The following IL1RAPL2 variants were observed in gnomAD, a reference collection of about 807,000 sequenced individuals.
The protein encoded by IL1RAPL2 is X-linked interleukin-1 receptor accessory protein-like 2.
A neutral mutation model predicts 44.1 loss-of-function variants in IL1RAPL2; 3 were observed. That is an observed-to-expected ratio of 0.07 (90% CI 0.03 to 0.18). The LOEUF (loss-of-function observed/expected upper bound fraction) is 0.18. Among genes scored for constraint, IL1RAPL2 ranks in the 10% least tolerant of loss-of-function variants. The pLI, the probability that IL1RAPL2 is intolerant of heterozygous loss-of-function variation, is 1.00. For missense variants in IL1RAPL2, 391 were observed against 496.4 expected (o/e 0.79, Z 2.02); for synonymous variants, 181 against 178.8 (o/e 1.01, Z -0.10).
chrX:104,622,337 A>G (rs1929416275), intron 1 of IL1RAPL2, among the ~76,000 whole-genome samples: 1 of 97,174 alleles, frequency 1.0e-5, no homozygotes, highest in Admixed American at 1.0e-4. Flanking sequence ...TAAGGTGTGA[A>G]CAAGGAAGAA....
Position 105,423,388 on chromosome X carries a change from T to C in IL1RAPL2, c.698-60925T>C, listed in dbSNP as rs938565818. 3.6e-5 allele frequency among the ~76,000 whole-genome samples: 4 copies of C among 112,056 alleles called. No individual in the cohort carries two copies. In the Admixed American group the frequency reaches 3.8e-4, roughly 11 times the overall value. On this transcript the variant is annotated intron_variant, in intron 5 of 10. Coordinates refer to ENST00000372582, the MANE Select transcript of IL1RAPL2 (RefSeq NM_017416.2). ...TAAGTCATTCATTTGGCCAAAGTGATAACTCAAGGATTTCAAACAAAAAGT... is the reference window on the plus strand; with the variant it reads ...TAAGTCATTCATTTGGCCAAAGTGACAACTCAAGGATTTCAAACAAAAAGT...
intron 6 of IL1RAPL2, among the ~76,000 whole-genome samples, chrX:105,690,251 T>A (rs2038024447): frequency 9.0e-6 from 1 of 111,454 alleles, no homozygotes; most frequent in Non-Finnish European, 1.9e-5. Flanking sequence ...TAAAAAAATT[T>A]AAAAAATGTT....
intron 2 of IL1RAPL2, among the ~76,000 whole-genome samples, chrX:104,694,177 C>G (rs1931140386): frequency 8.9e-6 from 1 of 111,886 alleles, no homozygotes. Flanking sequence ...TTCTTGCAAG[C>G]CTTTTCATTG....
intron 2 of IL1RAPL2, among the ~76,000 whole-genome samples, chrX:105,036,812 G>C (rs2031637846): frequency 8.9e-6 from 1 of 111,769 alleles, no homozygotes; most frequent in Non-Finnish European, 1.9e-5. Flanking sequence ...CAGTGCTTTT[G>C]GAGATATTGC....
chrX:105,526,481 G>A (rs1182460469), intron 6 of IL1RAPL2, among the ~76,000 whole-genome samples: 1 of 111,633 alleles, frequency 9.0e-6, no homozygotes, highest in Non-Finnish European at 1.9e-5. Context: ...TTCCTTGATT[G>A]TGTTCTCCCA....
chrX:105,664,504 A>T (rs2037743306), intron 6 of IL1RAPL2, among the ~76,000 whole-genome samples: 1 of 111,889 alleles, frequency 8.9e-6, no homozygotes, highest in Non-Finnish European at 1.9e-5. Flanking sequence ...AATCAATGAG[A>T]ACCCTTTTCC....
intron 2 of IL1RAPL2, among the ~76,000 whole-genome samples, chrX:105,089,163 C>T (rs188203083): frequency 9.0e-6 from 1 of 110,696 alleles, no homozygotes; most frequent in East Asian, 2.9e-4. Flanking sequence ...CTAGTGTTTT[C>T]TTCCTTAACT....
chrX:104,837,378 T>C, intron 2 of IL1RAPL2, among the ~76,000 whole-genome samples: 1 of 111,616 alleles, frequency 9.0e-6, no homozygotes, highest in South Asian at 3.8e-4. Context: ...TTCCACAGCC[T>C]CACCAGCATC....
At chrX:104,846,216 C>T (rs767057055) in intron 2 of IL1RAPL2, among the ~76,000 whole-genome samples, 1 of 110,148 alleles carries the variant, frequency 9.1e-6, no homozygotes, top group Non-Finnish European at 1.9e-5. Flanking sequence ...TTTAATTATC[C>T]TTTAAGTTCT....
chrX:104,955,503 C>T (rs756235682), intron 2 of IL1RAPL2, among the ~76,000 whole-genome samples: 2 of 104,992 alleles, frequency 1.9e-5, no homozygotes, highest in Admixed American at 2.1e-4. Flanking sequence ...TATTATACTC[C>T]CATATATATG....
chrX:105,609,126 G>T lies in IL1RAPL2; in HGVS notation c.773-108241G>T, dbSNP rs1455327360. ...TTCTTTATGCTCAAAATATTTTAAA[G>T]ATTTTAGAAAGAAAAAAAAATATGG... On this transcript the variant is annotated intron_variant, in intron 6 of 10. Transcript: ENST00000372582. Among the ~76,000 whole-genome samples, 6 of 111,366 alleles carry T rather than the reference G, an allele frequency of 5.4e-5. No individual in the cohort carries two copies. The Admixed American group carries it at 5.7e-4, about 11-fold the overall frequency.
intron 6 of IL1RAPL2, among the ~76,000 whole-genome samples, chrX:105,484,770 G>C (rs200412015): frequency 2.7e-5 from 3 of 110,240 alleles, no homozygotes; most frequent in Non-Finnish European, 5.7e-5. Context: ...TAAAATACAG[G>C]CTTCGGTTTC....
At chrX:105,591,555 T>C (rs1220140163) in intron 6 of IL1RAPL2, among the ~76,000 whole-genome samples, 2 of 111,505 alleles carry the variant, frequency 1.8e-5, no homozygotes, top group Admixed American at 9.6e-5. Flanking sequence ...GGGTGTTTAG[T>C]GCTATAAACT....
At chrX:105,664,560 A>G (rs1370630578) in intron 6 of IL1RAPL2, among the ~76,000 whole-genome samples, 1 of 111,736 alleles carries the variant, frequency 8.9e-6, no homozygotes, top group East Asian at 2.8e-4. Context: ...CCTTGTCAGT[A>G]AGAGACTGCC....
At chrX:104,733,648 GTAA>G (rs1165710519) in intron 2 of IL1RAPL2, among the ~76,000 whole-genome samples, 14 of 63,350 alleles carry the variant, frequency 2.2e-4, no homozygotes, top group African/African-American at 5.3e-4. Context: ...AATAATAATA[GTAA>G]TAATAATAAT....
chrX:104,655,773 T>C (rs1356398695), intron 1 of IL1RAPL2, among the ~76,000 whole-genome samples: 1 of 111,716 alleles, frequency 9.0e-6, no homozygotes, highest in Non-Finnish European at 1.9e-5. Flanking sequence ...GTACCTCTGG[T>C]AGAATTTGGC....
intron 1 of IL1RAPL2, among the ~76,000 whole-genome samples, chrX:104,592,493 T>C (rs1453560981): frequency 9.0e-6 from 1 of 110,856 alleles, no homozygotes; most frequent in Non-Finnish European, 1.9e-5. Flanking sequence ...ATAGTGATAA[T>C]ACAACATATG....
chrX:105,047,663 G>A (rs1371160462), intron 2 of IL1RAPL2, among the ~76,000 whole-genome samples: 1 of 111,453 alleles, frequency 9.0e-6, no homozygotes, highest in East Asian at 2.8e-4. Flanking sequence ...ATTAAAAAGT[G>A]CCTGCTCTAG....
intron 4 of IL1RAPL2, among the ~76,000 whole-genome samples, chrX:105,248,832 T>G (rs1354225549): frequency 1.8e-5 from 2 of 111,185 alleles, no homozygotes; most frequent in Non-Finnish European, 3.8e-5. Context: ...ATATCCAAAA[T>G]GCAGACAATA....
Sources: gnomAD v4.1 joint callset for allele counts (sites outside exome capture counted in the v4.1 genomes callset) on GRCh38, gnomAD v4.1.1 for gene constraint, MANE v1.5 for transcripts, NCBI Gene and HGNC (gene_info 2026-07-23, HGNC 2026-07-21) for gene names.